COL8A1: variants seen among roughly 807,000 people sequenced by gnomAD.
COL8A1 encodes collagen alpha-1(VIII) chain.
COL8A1 carries 21 observed loss-of-function variants against 42.7 expected under a neutral mutation model. The ratio of observed to expected loss-of-function variants is 0.49; its 90% CI spans 0.35 to 0.71. The LOEUF is 0.71. Among genes scored for constraint, COL8A1 ranks in the 30% least tolerant of loss-of-function variants. The pLI is 0.01. For synonymous variants in COL8A1, 367 were observed against 369.1 expected (o/e 0.99, Z 0.06); for missense variants, 788 against 962.4 (o/e 0.82, Z 2.40).
chr3:99,666,758 C>T (rs1402039427), intron 1 of COL8A1, among the ~76,000 whole-genome samples: 1 of 152,140 alleles, frequency 6.6e-6, no homozygotes, highest in East Asian at 1.9e-4. Context: ...CTACTTTTCT[C>T]AAAGAAATGC....
At chr3:99,729,997 T>C (rs1940453394) in intron 1 of COL8A1, among the ~76,000 whole-genome samples, 2 of 152,110 alleles carry the variant, frequency 1.3e-5, no homozygotes, top group African/African-American at 4.8e-5. Flanking sequence ...ACAACTGCCA[T>C]GAATCAGTAA....
chr3:99,760,135 C>CA lies in COL8A1; in HGVS notation c.-4+15125dup, dbSNP rs113024327. Among the ~76,000 whole-genome samples, 303 of 144,102 alleles carry CA rather than the reference C, an allele frequency of 2.1e-3. 3 individuals are homozygous for CA. In the East Asian group the frequency reaches 0.043, roughly 20 times the overall value. The allele number at this position is 144,102 out of a possible 152,430, so 94.5% of individuals were successfully genotyped here. A position where few individuals can be genotyped will look rare whatever the true frequency, so the allele number is the denominator to read the frequency against. On this transcript the variant is annotated intron_variant, in intron 2 of 3. Coordinates refer to ENST00000652472, the MANE Select transcript of COL8A1 (RefSeq NM_020351.4). ...AAACACTCAAAATCAACTAGAGACT[C>CA]AAAAAAAAAAAGTTTTCCTTGTTTT...
intron 1 of COL8A1, among the ~76,000 whole-genome samples, chr3:99,688,317 T>C (rs1939123649): frequency 6.6e-6 from 1 of 152,210 alleles, no homozygotes; most frequent in African/African-American, 2.4e-5. Context: ...TAGGGCTGCA[T>C]TCCTTCTGGT....
chr3:99,781,195 A>G, intron 2 of COL8A1, among the ~76,000 whole-genome samples: 1 of 152,210 alleles, frequency 6.6e-6, no homozygotes, highest in Non-Finnish European at 1.5e-5. Flanking sequence ...TCACTGACCA[A>G]GAAATTGTCA....
chr3:99,705,777 C>T lies in COL8A1; in HGVS notation c.-128-39120C>T, dbSNP rs575447322. 2.6e-5 allele frequency among the ~76,000 whole-genome samples: 4 copies of T among 152,050 alleles called. No individual in the cohort carries two copies. The South Asian group carries it at 6.2e-4, about 24-fold the overall frequency. ...TTGGGGATGAATAAACTCCTGCCCCCCCGGTATGATATTTTTTGGGGGAGT... is the reference window on the plus strand; with the variant it reads ...TTGGGGATGAATAAACTCCTGCCCCTCCGGTATGATATTTTTTGGGGGAGT... On this transcript the variant is annotated intron_variant, in intron 1 of 3. Coordinates refer to ENST00000652472, the MANE Select transcript of COL8A1 (RefSeq NM_020351.4).
chr3:99,700,311 A>C (rs1457180724), intron 1 of COL8A1, among the ~76,000 whole-genome samples: 3 of 152,104 alleles, frequency 2.0e-5, no homozygotes, highest in Non-Finnish European at 4.4e-5. Context: ...AAGAAAAAAA[A>C]AAAAGAACTC....
intron 2 of COL8A1, among the ~76,000 whole-genome samples, chr3:99,753,964 A>C (rs371118503): frequency 6.6e-6 from 1 of 152,232 alleles, no homozygotes; most frequent in Non-Finnish European, 1.5e-5. Flanking sequence ...TACTGGGAAG[A>C]TAACTACACT....
At position 99,656,788 on chromosome 3, in the gene COL8A1, T is replaced by C. The variant is rs148849511; in HGVS notation, c.-129+18124T>C. 2.6e-3 allele frequency among the ~76,000 whole-genome samples: 398 copies of C among 152,346 alleles called. 5 individuals carry two copies. Among genetic ancestry groups the C allele is most frequent in the Admixed American group, 0.023 (348 of 15,302 alleles). On this transcript the variant is annotated intron_variant, in intron 1 of 3. Transcript: ENST00000652472. ...TGCTCCTGCATAAAAAACTAGTAGT[T>C]AAGCTTTGAACTCTGGGTTTTGGAA... is the stretch of plus-strand genomic sequence containing the variant.
chr3:99,640,418 C>T (rs1382782608), intron 1 of COL8A1, among the ~76,000 whole-genome samples: 2 of 152,172 alleles, frequency 1.3e-5, no homozygotes, highest in African/African-American at 2.4e-5. Flanking sequence ...CCCATTATCA[C>T]AAGGATGAAA....
intron 3 of COL8A1, 62 bp downstream of exon 3, chr3:99,791,072 T>G (rs976345089): frequency 2.1e-6 from 3 of 1,415,904 alleles, no homozygotes; most frequent in African/African-American, 2.9e-5. Context: ...AATTATGGGA[T>G]CAGAGGGGGA....
chr3:99,713,300 T>A (rs897826438), intron 1 of COL8A1, among the ~76,000 whole-genome samples: 1 of 152,132 alleles, frequency 6.6e-6, no homozygotes, highest in African/African-American at 2.4e-5. Context: ...ACCCCTTCAA[T>A]CTTCCACCAC....
At chr3:99,746,948 A>G (rs930656806) in intron 2 of COL8A1, among the ~76,000 whole-genome samples, 2 of 152,202 alleles carry the variant, frequency 1.3e-5, no homozygotes, top group Non-Finnish European at 2.9e-5. Context: ...TTAACTTGAC[A>G]TAGTATAAAA....
At chr3:99,749,558 T>G (rs1347258646) in intron 2 of COL8A1, among the ~76,000 whole-genome samples, 2 of 152,178 alleles carry the variant, frequency 1.3e-5, no homozygotes, top group East Asian at 3.8e-4. Flanking sequence ...TGAACATGCT[T>G]TTGAAAAATG....
intron 2 of COL8A1, among the ~76,000 whole-genome samples, chr3:99,749,979 A>G (rs1941107496): frequency 6.6e-6 from 1 of 150,700 alleles, no homozygotes; most frequent in African/African-American, 2.4e-5. Context: ...TTAACTATAT[A>G]TTAATTGTTT....
chr3:99,712,467 GTCGGACATCCGGGCTCA>G (rs1283183359), intron 1 of COL8A1, among the ~76,000 whole-genome samples: 2 of 152,148 alleles, frequency 1.3e-5, no homozygotes, highest in Non-Finnish European at 2.9e-5. Flanking sequence ...CTCCCAGCCT[GTCGGACATCCGGGCTCA>G]TGATTTATAG....
At position 99,688,663 on chromosome 3, in the gene COL8A1, G is replaced by C. The variant is rs554120282; in HGVS notation, c.-129+49999G>C. ...GGAGGTTCATTATTCAGCATACCAC[G>C]GCTAGTTTACTGTATTATTATTACT... On this transcript the variant is annotated intron_variant, in intron 1 of 3. Transcript: ENST00000652472. Among the ~76,000 whole-genome samples, 10 of 152,166 alleles carry C rather than the reference G, an allele frequency of 6.6e-5. 1 individual carries two copies. The South Asian group carries it at 1.9e-3, about 28-fold the overall frequency.
intron 1 of COL8A1, among the ~76,000 whole-genome samples, chr3:99,702,862 T>C (rs571946935): frequency 1.3e-5 from 2 of 151,972 alleles, no homozygotes; most frequent in South Asian, 2.1e-4. Flanking sequence ...TTAGGTGGAG[T>C]TGCTTTTTTA....
At chr3:99,764,925 T>A (rs1328135302) in intron 2 of COL8A1, among the ~76,000 whole-genome samples, 5 of 152,108 alleles carry the variant, frequency 3.3e-5, no homozygotes, top group Non-Finnish European at 7.4e-5. Flanking sequence ...TGTCAAACCA[T>A]CCCATAATTC....
At chr3:99,668,890 A>G (rs1938444359) in intron 1 of COL8A1, among the ~76,000 whole-genome samples, 1 of 152,050 alleles carries the variant, frequency 6.6e-6, no homozygotes, top group Non-Finnish European at 1.5e-5. Context: ...CAAGTAAATT[A>G]CTGCATAACA....
Sources: allele counts gnomAD v4.1 joint callset (sites outside exome capture counted in the v4.1 genomes callset), GRCh38; gene constraint gnomAD v4.1.1; transcripts MANE v1.5; gene names NCBI Gene and HGNC (gene_info 2026-07-23, HGNC 2026-07-21).